The following LRRC4C variants were observed in gnomAD, a reference collection of about 807,000 sequenced individuals.
The protein encoded by LRRC4C is leucine-rich repeat-containing protein 4C.
LRRC4C carries 5 observed loss-of-function variants against 33.6 expected under a neutral mutation model. The ratio of observed to expected loss-of-function variants is 0.15; its 90% CI spans 0.08 to 0.31. The LOEUF (loss-of-function observed/expected upper bound fraction) is 0.31. LRRC4C is among the 10% of genes least tolerant of loss of function. The pLI, the probability that LRRC4C is intolerant of heterozygous loss-of-function variation, is 1.00. For synonymous variants in LRRC4C, 329 were observed against 302.0 expected (o/e 1.09, Z -0.93); for missense variants, 560 against 796.7 (o/e 0.70, Z 3.58).
chr11:40,615,265 T>TATATATATACAC (rs1490740198), intron 3 of LRRC4C, among the ~76,000 whole-genome samples: 11 of 53,436 alleles, frequency 2.1e-4, no homozygotes, highest in African/African-American at 4.2e-4. Flanking sequence ...TATATATATA[T>TATATATATACAC]ACACACACAC....
At chr11:41,239,603 C>T (rs1475824729) in intron 1 of LRRC4C, among the ~76,000 whole-genome samples, 3 of 152,206 alleles carry the variant, frequency 2.0e-5, no homozygotes, top group Middle Eastern at 3.4e-3. Context: ...CAAGGGCTGT[C>T]CTGGTCACCC....
At position 40,991,595 on chromosome 11, in the gene LRRC4C, A is replaced by T. The variant is rs929865089; in HGVS notation, c.-495-57872T>A. 6.6e-5 allele frequency among the ~76,000 whole-genome samples: 10 copies of T among 152,174 alleles called. No individual in the cohort carries two copies. In the East Asian group the frequency reaches 1.5e-3, roughly 23 times the overall value. On this transcript the variant is annotated intron_variant, in intron 1 of 6. Coordinates refer to ENST00000528697, the MANE Select transcript of LRRC4C (RefSeq NM_001258419.2). ...TGAAATAATTATATAATTCACCAAA[A>T]TGTAGAATCAGTGGGAGCCCTGGGC...
At chr11:41,423,280 G>A (rs1262100407) in intron 1 of LRRC4C, among the ~76,000 whole-genome samples, 1 of 152,020 alleles carries the variant, frequency 6.6e-6, no homozygotes, top group Non-Finnish European at 1.5e-5. Context: ...GAGTAGTTGG[G>A]AGGTAATTCA....
At chr11:40,975,697 A>T (rs73484752) in intron 1 of LRRC4C, among the ~76,000 whole-genome samples, 1 of 152,244 alleles carries the variant, frequency 6.6e-6, no homozygotes, top group Non-Finnish European at 1.5e-5. Context: ...AGCTCCATGC[A>T]GTAGAATGAT....
intron 1 of LRRC4C, among the ~76,000 whole-genome samples, chr11:41,367,942 C>T (rs74640043): frequency 0.012 from 1,753 of 152,200 alleles, 39 homozygotes; most frequent in African/African-American, 0.04. Context: ...CAGAGTCTTA[C>T]CCAAACCAGG....
At chr11:41,038,777 A>G (rs1425038564) in intron 1 of LRRC4C, among the ~76,000 whole-genome samples, 3 of 152,078 alleles carry the variant, frequency 2.0e-5, no homozygotes, top group East Asian at 1.9e-4. Flanking sequence ...CATCCCCCTA[A>G]AGTGTTTTAA....
intron 3 of LRRC4C, among the ~76,000 whole-genome samples, chr11:40,397,656 G>C (rs543859367): frequency 6.6e-6 from 1 of 152,144 alleles, no homozygotes; most frequent in Non-Finnish European, 1.5e-5. Context: ...AGAAACTGCT[G>C]TTTCTACATA....
Position 40,893,233 on chromosome 11 carries a change from G to A in LRRC4C, c.-407+40402C>T, listed in dbSNP as rs184274400. ...TTACCAGAGGCCTGGTAAGGCAAGT[G>A]TGGGTGTGGGTGTGGAAAATGAGGA... On this transcript the variant is annotated intron_variant, in intron 2 of 6. Coordinates refer to ENST00000528697, the MANE Select transcript of LRRC4C (RefSeq NM_001258419.2). Among the ~76,000 whole-genome samples, 328 of 152,176 alleles carry A rather than the reference G, an allele frequency of 2.2e-3. 2 individuals are homozygous for A. The highest frequency in any genetic ancestry group is 6.2e-3 in the African/African-American group (259 of 41,520).
chr11:41,155,220 G>A lies in LRRC4C; in HGVS notation c.-495-221497C>T, dbSNP rs186089310. ...TTGCTTAATTCCAACATCCTTATGG[G>A]ACATCCTTTAATGTATTCTTCAGGA... On this transcript the variant is annotated intron_variant, in intron 1 of 6. Transcript: ENST00000528697. Among the ~76,000 whole-genome samples the A allele has an allele frequency of 4.4e-3, 665 of 152,166 alleles. 4 individuals carry two copies. The highest frequency in any genetic ancestry group is 7.4e-3 in the Non-Finnish European group (503 of 67,994).
At chr11:40,594,095 C>T (rs948057768) in intron 3 of LRRC4C, among the ~76,000 whole-genome samples, 1 of 152,162 alleles carries the variant, frequency 6.6e-6, no homozygotes, top group Non-Finnish European at 1.5e-5. Context: ...CTCTCCAACT[C>T]TCCTTAGCTC....
rs576140983 is a variant in LRRC4C, at chr11:41,213,516, C to T, written c.-496+245915G>A. On this transcript the variant is annotated intron_variant, in intron 1 of 6. Coordinates refer to ENST00000528697, the MANE Select transcript of LRRC4C (RefSeq NM_001258419.2). Reference sequence around the variant, plus strand: ...ATATAACTGTATGTCTAGGTTTACTCGTTGAATCTTCTCTACCACATAGTG... The same window carrying T: ...ATATAACTGTATGTCTAGGTTTACTTGTTGAATCTTCTCTACCACATAGTG... 5.3e-5 allele frequency among the ~76,000 whole-genome samples: 8 copies of T among 152,294 alleles called. No individual in the cohort carries two copies. In the East Asian group the frequency reaches 1.2e-3, roughly 22 times the overall value.
At chr11:40,560,334 C>A (rs1449780411) in intron 3 of LRRC4C, among the ~76,000 whole-genome samples, 3 of 152,168 alleles carry the variant, frequency 2.0e-5, no homozygotes, top group African/African-American at 7.2e-5. Flanking sequence ...CAAATGAAGA[C>A]TTTGGTTCCA....
chr11:40,764,315 T>G (rs1949353820), intron 2 of LRRC4C, among the ~76,000 whole-genome samples: 1 of 152,082 alleles, frequency 6.6e-6, no homozygotes, highest in Non-Finnish European at 1.5e-5. Context: ...TAACATCATC[T>G]GTAGCCAGGC....
chr11:40,957,293 C>G (rs118140504), intron 1 of LRRC4C, among the ~76,000 whole-genome samples: 2 of 151,674 alleles, frequency 1.3e-5, no homozygotes, highest in African/African-American at 4.8e-5. Flanking sequence ...AGGTGACAGG[C>G]GGGCTAGTAT....
intron 3 of LRRC4C, among the ~76,000 whole-genome samples, chr11:40,449,219 G>C (rs1355015274): frequency 6.6e-6 from 1 of 151,836 alleles, no homozygotes; most frequent in East Asian, 1.9e-4. Flanking sequence ...AGTTTCTTTT[G>C]CTGTGCAGAA....
intron 1 of LRRC4C, among the ~76,000 whole-genome samples, chr11:40,952,645 G>A (rs1002592629): frequency 3.3e-5 from 5 of 151,882 alleles, no homozygotes; most frequent in Admixed American, 1.3e-4. Context: ...CAAACAGATG[G>A]GTAGAGGTCC....
At chr11:40,795,386 C>G (rs569709694) in intron 2 of LRRC4C, among the ~76,000 whole-genome samples, 43 of 152,080 alleles carry the variant, frequency 2.8e-4, no homozygotes, top group Non-Finnish European at 5.1e-4. Context: ...AAAAATTAGC[C>G]AGGCGTGGTG....
chr11:40,845,972 G>A (rs1953138884), intron 2 of LRRC4C, among the ~76,000 whole-genome samples: 1 of 149,506 alleles, frequency 6.7e-6, no homozygotes, highest in Admixed American at 6.6e-5. Flanking sequence ...CTGCATAAAT[G>A]TCTTCTTTTG....
At chr11:40,330,902 A>G (rs1946332883) in intron 3 of LRRC4C, among the ~76,000 whole-genome samples, 1 of 152,178 alleles carries the variant, frequency 6.6e-6, no homozygotes, top group African/African-American at 2.4e-5. Context: ...CTATAGTGTT[A>G]TAGAGCACTA....
Sources: allele counts gnomAD v4.1 joint callset (sites outside exome capture counted in the v4.1 genomes callset), GRCh38; gene constraint gnomAD v4.1.1; transcripts MANE v1.5; gene names NCBI Gene and HGNC (gene_info 2026-07-23, HGNC 2026-07-21).